DACT3: variants seen among roughly 807,000 people sequenced by gnomAD.
The protein encoded by DACT3 is dapper homolog 3.
A neutral mutation model predicts 19.6 loss-of-function variants in DACT3; 5 were observed. That is an observed-to-expected ratio of 0.26 (90% confidence interval 0.13 to 0.54). The LOEUF is 0.54. Among genes scored for constraint, DACT3 ranks in the 20% least tolerant of loss-of-function variants. DACT3 has a pLI of 0.95. For synonymous variants in DACT3, 454 were observed against 428.1 expected, an observed-to-expected ratio of 1.06 and a Z score of -0.75; for missense variants, 908 against 927.4, an observed-to-expected ratio of 0.98 and a Z score of 0.27.
chr19:46,650,931 T>G (rs1307817514), intron 3 of DACT3: 1 of 152,146 alleles, frequency 6.6e-6, no homozygotes, highest in Non-Finnish European at 1.5e-5. Context: ...CCATATTTTC[T>G]AAAATTGCAC....
At chr19:46,654,399 T>A in intron 1 of DACT3, 3 of 572,758 alleles carry the variant, frequency 5.2e-6, no homozygotes, top group Non-Finnish European at 6.6e-6. Context: ...GGCGGGAGGA[T>A]TGCTTGAGCC....
chr19:46,649,317 C>G lies in DACT3; in HGVS notation c.1055G>C (p.Gly352Ala). 3 of 1,237,410 alleles carry G rather than the reference C, an allele frequency of 2.4e-6. No individual in the cohort carries two copies. Among genetic ancestry groups the G allele is most frequent in the Non-Finnish European group, 3.0e-6 (3 of 988,170 alleles). 76.7% of individuals were successfully genotyped at this position (1,237,410 alleles called of 1,614,324 possible). The change falls in exon 4 of 4, where the codon GGC becomes GCC. Residue 352 changes from glycine to alanine, a missense_variant. By Grantham distance (60) the Gly-to-Ala change is moderately conservative. This residue lies in a region of DACT3 where 656 missense variants were observed against 601.8 expected (regional missense o/e 1.09). Coordinates refer to ENST00000391916, the MANE Select transcript of DACT3 (RefSeq NM_145056.3). ...GATGTACTGCGCCTTCACCAAGCGG[C>G]CCTCAGCCGGGCTGTCGGGGGGTGA... ...APSPPDSPAE[G>A]RLVKAQYIPG...
chr19:46,654,969 T>C (rs1040997714), intron 1 of DACT3: 13 of 985,186 alleles, frequency 1.3e-5, no homozygotes, highest in Non-Finnish European at 1.6e-5. Context: ...ATGCTCACAG[T>C]GAAGTCATCT....
chr19:46,648,414 AAGG>A lies in DACT3; in HGVS notation c.*65_*67del. ...GATGGTCTTTGGAAGGTAGATGTGG[AAGG>A]GTCAGTGGTTGGGAGTGTGGAGGTG... On this transcript the variant is annotated 3_prime_UTR_variant, in exon 4 of 4. Transcript: ENST00000391916. This position sits in a 1 kb window ranked among gnomAD's most constrained non-coding sequence, Gnocchi z 5.1. 1 of 1,604,906 alleles carries A rather than the reference AAGG, an allele frequency of 6.2e-7. No individual in the cohort carries two copies. Among genetic ancestry groups the A allele is most frequent in the Non-Finnish European group, 8.5e-7 (1 of 1,174,556 alleles).
rs184236956 is a variant in DACT3 at position 46,654,155 on chromosome 19, C to T, written c.250-1080G>A. On this transcript the variant is annotated intron_variant, in intron 1 of 3. Coordinates refer to ENST00000391916, the MANE Select transcript of DACT3 (RefSeq NM_145056.3). ...CCTTTGGTCCACTCCCACCAGGAAG[C>T]TCCAGTGAGTCTACCTTTCCTCATC... The T allele has an allele frequency of 1.2e-4, 116 of 985,346 alleles. No homozygotes were observed. The African/African-American group carries it at 1.9e-3, about 16-fold the overall frequency. 61.0% of individuals were successfully genotyped at this position (985,346 alleles called of 1,614,324 possible).
intron 1 of DACT3, among the ~76,000 whole-genome samples, chr19:46,658,535 C>T (rs1045857216): frequency 7.2e-5 from 11 of 152,196 alleles, no homozygotes; most frequent in Admixed American, 7.2e-4. Context: ...ATGCCTCCTC[C>T]TCTCCAGCAC....
intron 1 of DACT3, among the ~76,000 whole-genome samples, chr19:46,657,424 G>C (rs1256889927): frequency 1.4e-5 from 2 of 143,180 alleles, no homozygotes; most frequent in African/African-American, 5.3e-5. Context: ...CACAATCTCG[G>C]CTCACTGCAA....
Position 46,649,496 on chromosome 19 carries a change from C to A in DACT3, c.876G>T (p.Ala292=). 2 of 1,113,842 alleles carry A rather than the reference C, an allele frequency of 1.8e-6. No homozygotes were observed. The highest frequency in any genetic ancestry group is 2.2e-6 in the Non-Finnish European group (2 of 914,728). The allele number at this position is 1,113,842 out of a possible 1,614,324, so 69.0% of individuals were successfully genotyped here. ...GTCGCGCGCTGCCGGGGGACGGAGA[C>A]GCGTCGGGCGGCCGCTGGCGCACGC... The part of the protein sequence containing the change: ...QNSVRQRPPD[A]SPSPGSARPA... The change falls in exon 4 of 4, where the codon GCG becomes GCT. Residue 292 remains alanine (A), a synonymous_variant. Transcript: ENST00000391916.
rs76081019 is a variant in DACT3, at chr19:46,648,467, A to G, written c.*15T>C. 0.047 allele frequency: 76,451 copies of G among 1,613,866 alleles called. 2,112 individuals are homozygous for G. The highest frequency in any genetic ancestry group is 0.057 in the Non-Finnish European group (67,672 of 1,179,792). On this transcript the variant is annotated 3_prime_UTR_variant, in exon 4 of 4. Transcript: ENST00000391916. This position sits in a 1 kb window ranked among gnomAD's most constrained non-coding sequence, Gnocchi z 5.1. ...GCAGAGGCCATGAAGGGGGAGCCCAAGCAAATCCCCAAACTCACACTGTAG... is the reference window on the plus strand; with the variant it reads ...GCAGAGGCCATGAAGGGGGAGCCCAGGCAAATCCCCAAACTCACACTGTAG...
At chr19:46,656,655 T>G (rs2053036539) in intron 1 of DACT3, among the ~76,000 whole-genome samples, 1 of 152,212 alleles carries the variant, frequency 6.6e-6, no homozygotes, top group African/African-American at 2.4e-5. Flanking sequence ...CAGCTGTCTA[T>G]TTTTTAAAAA....
At position 46,648,488 on chromosome 19, in the gene DACT3, T is replaced by G. The variant is rs754396560; in HGVS notation, c.1884A>C (p.Thr628=). The part of the protein sequence containing the change: ...FRSGSLKVMT[T]V ...CCCAAGCAAATCCCCAAACTCACAC[T>G]GTAGTCATGACCTTGAGAGAACCCG... The change falls in exon 4 of 4, where the codon ACA becomes ACC. Residue 628 remains threonine (T), a synonymous_variant. Coordinates refer to ENST00000391916, the MANE Select transcript of DACT3 (RefSeq NM_145056.3). This position sits in a 1 kb window ranked among gnomAD's most constrained non-coding sequence, Gnocchi z 5.1. 6.2e-7 allele frequency: 1 copy of G among 1,613,954 alleles called. No homozygotes were observed. Among genetic ancestry groups the G allele is most frequent in the South Asian group, 1.1e-5 (1 of 91,074 alleles).
chr19:46,655,145 A>G (rs1299109710), intron 1 of DACT3: 1 of 713,626 alleles, frequency 1.4e-6, no homozygotes, highest in Non-Finnish European at 1.7e-6. Flanking sequence ...CGAACATACC[A>G]TGTATGCGCC....
At chr19:46,650,861 C>T (rs1366225139) in intron 3 of DACT3, 1 of 152,052 alleles carries the variant, frequency 6.6e-6, no homozygotes, top group Admixed American at 6.6e-5. Context: ...GCTAGGTCCA[C>T]TCCCCCACTT....
In DACT3 at chr19:46,653,057, C is replaced by T. The variant is rs770024156; in HGVS notation, c.268G>A (p.Val90Ile). 29 of 1,551,278 alleles carry T rather than the reference C, an allele frequency of 1.9e-5. No homozygotes were observed. Among genetic ancestry groups the T allele is most frequent in the Middle Eastern group, 1.7e-4 (1 of 6,012 alleles). Residue 90 changes from valine to isoleucine, a missense_variant, in exon 2 of 4, where the codon GTC (valine) becomes ATC (isoleucine). Physicochemically the swap from Val to Ile is conservative, Grantham distance 29. Around this residue, in one of 2 missense-constraint regions of DACT3, gnomAD observed 252 missense variants for 325.6 expected, o/e 0.77. Transcript: ENST00000391916. ...EEQLEALPGL[V>I]WDLGQQLGDL... ...CCCAGCTGCTGTCCCAGGTCCCAGA[C>T]GAGACCAGGCAGGGCCTCCTGAAGG... is the stretch of plus-strand genomic sequence containing the variant.
At chr19:46,651,051 G>GTTTA (rs1437807067) in intron 3 of DACT3, 19 of 139,934 alleles carry the variant, frequency 1.4e-4, no homozygotes, top group South Asian at 7.3e-4. Context: ...ATTTATCCTG[G>GTTTA]TTTATTTATT....
intron 3 of DACT3, chr19:46,650,085 C>T: frequency 2.6e-6 from 1 of 386,024 alleles, no homozygotes; most frequent in Non-Finnish European, 4.4e-6. Flanking sequence ...CTTGTCCTGC[C>T]TCTGCCTCTG....
Position 46,649,467 on chromosome 19 carries a change from G to A in DACT3, c.905C>T (p.Ala302Val), listed in dbSNP as rs1408572725. The change falls in exon 4 of 4, where the codon GCG becomes GTG. Residue 302 changes from alanine to valine, a missense_variant. Transcript: ENST00000391916. ...ASPSPGSARP[A>V]REPSLERVGG... ...GACGCGCTCCAACGAGGGCTCCCGCGCGGGTCGCGCGCTGCCGGGGGACGG... is the reference window on the plus strand; with the variant it reads ...GACGCGCTCCAACGAGGGCTCCCGCACGGGTCGCGCGCTGCCGGGGGACGG... 5 of 1,170,364 alleles carry A rather than the reference G, an allele frequency of 4.3e-6. No homozygotes were observed. Among genetic ancestry groups the A allele is most frequent in the Admixed American group, 9.4e-5 (2 of 21,304 alleles). The allele number at this position is 1,170,364 out of a possible 1,614,324, so 72.5% of individuals were successfully genotyped here.
At chr19:46,654,245 G>A in intron 1 of DACT3, 1 of 977,838 alleles carries the variant, frequency 1.0e-6, no homozygotes, top group Non-Finnish European at 1.2e-6. Flanking sequence ...CCAGCATTTT[G>A]GGAGGCCGAG....
At chr19:46,654,887 C>T in intron 1 of DACT3, 1 of 985,264 alleles carries the variant, frequency 1.0e-6, no homozygotes, top group Non-Finnish European at 1.2e-6. Context: ...CAGAAGCCCC[C>T]ATCCGGGCCT....
Sources: gnomAD v4.1 joint callset for allele counts (sites outside exome capture counted in the v4.1 genomes callset) on GRCh38, gnomAD v4.1.1 for gene constraint, gnomAD v4.1.1 regional missense constraint, Gnocchi (gnomAD v3.1) non-coding constraint, MANE v1.5 for transcripts, NCBI Gene and HGNC (gene_info 2026-07-23, HGNC 2026-07-21) for gene names.